Variants in YAE1 observed in about 807,000 individuals in gnomAD.
YAE1 encodes the protein YAE1 maturation factor of ABCE1.
Under a neutral mutation model 23.0 loss-of-function variants are expected in YAE1, and 22 were observed. The observed-to-expected ratio is 0.96, with a 90% CI of 0.68 to 1.37. The LOEUF (loss-of-function observed/expected upper bound fraction) is 1.37, where lower values mean the gene tolerates loss of function less well. YAE1 is among the 40% of genes most tolerant of loss of function. The pLI is 0.00. For missense variants in YAE1, 260 were observed against 262.1 expected (o/e 0.99, Z 0.06); for synonymous variants, 101 against 97.0 (o/e 1.04, Z -0.24).
At chr7:39,590,343 T>C (rs1790884340) in intron 2 of YAE1, among the ~76,000 whole-genome samples, 1 of 152,204 alleles carries the variant, frequency 6.6e-6, no homozygotes, top group Non-Finnish European at 1.5e-5. Context: ...ATTGAGTACT[T>C]AAGATATGTC....
chr7:39,577,282 G>A (rs114285665), downstream of YAE1, among the ~76,000 whole-genome samples: 294 of 152,386 alleles, frequency 1.9e-3, no homozygotes, highest in African/African-American at 4.6e-3. Flanking sequence ...GAGAGGTGAC[G>A]AAGTGCTGGC....
intron 2 of YAE1, among the ~76,000 whole-genome samples, chr7:39,580,111 C>T (rs1217911610): frequency 7.2e-5 from 11 of 152,226 alleles, no homozygotes; most frequent in South Asian, 4.1e-4. Flanking sequence ...GATTTGTTTG[C>T]TATACATGTA....
chr7:39,609,613 A>G (rs1250631699), intron 2 of YAE1: 1 of 1,533,334 alleles, frequency 6.5e-7, no homozygotes, highest in South Asian at 1.2e-5. Context: ...GTCTATCAAA[A>G]CAGGAACTCA....
chr7:39,591,527 T>G (rs954539840), intron 2 of YAE1, among the ~76,000 whole-genome samples: 1 of 152,200 alleles, frequency 6.6e-6, no homozygotes, highest in Non-Finnish European at 1.5e-5. Flanking sequence ...GACTTTATTT[T>G]TTGGAGAAGT....
At chr7:39,573,648 C>T (rs942530073), downstream of YAE1, among the ~76,000 whole-genome samples, 1 of 152,138 alleles carries the variant, frequency 6.6e-6, no homozygotes, top group African/African-American at 2.4e-5. Context: ...ATTGCTCTTT[C>T]ACCCCTATTT....
chr7:39,582,981 T>C (rs1322741896), intron 2 of YAE1, among the ~76,000 whole-genome samples: 1 of 152,144 alleles, frequency 6.6e-6, no homozygotes, highest in Non-Finnish European at 1.5e-5. Context: ...TACGTAAAAA[T>C]CCCACTTCTA....
intron 2 of YAE1, among the ~76,000 whole-genome samples, chr7:39,604,249 A>C (rs1411156927): frequency 3.3e-5 from 5 of 152,226 alleles, no homozygotes. Flanking sequence ...AAAAATTTGG[A>C]AACCTTTTCA....
intron 2 of YAE1, among the ~76,000 whole-genome samples, chr7:39,606,362 G>A (rs951862056): frequency 1.3e-5 from 2 of 152,194 alleles, no homozygotes; most frequent in Non-Finnish European, 2.9e-5. Flanking sequence ...ATAGAAGAAT[G>A]CTAGTGTATT....
intron 2 of YAE1, among the ~76,000 whole-genome samples, chr7:39,605,205 G>A (rs1343539122): frequency 1.3e-5 from 2 of 152,172 alleles, no homozygotes; most frequent in Non-Finnish European, 2.9e-5. Flanking sequence ...AAGTGACTTT[G>A]TAACCATGGT....
In YAE1 at chr7:39,569,553, G is replaced by A. The variant is rs572352595; in HGVS notation, c.130-953G>A. On this transcript the variant is annotated intron_variant, in intron 1 of 2. Coordinates refer to ENST00000223273, the MANE Select transcript of YAE1 (RefSeq NM_020192.5). ...TTCTGATAATTTTTTTGAAGGGTAT[G>A]GCTGTGGTGTGTGCCTTTCTGAAGG... is the stretch of plus-strand genomic sequence containing the variant. 4.3e-4 allele frequency: 228 copies of A among 529,268 alleles called. 2 individuals are homozygous for A. Among genetic ancestry groups the A allele is most frequent in the South Asian group, 3.6e-3 (219 of 61,562 alleles). The allele number at this position is 529,268 out of a possible 1,614,324, so 32.8% of individuals were successfully genotyped here. A position where few individuals can be genotyped will look rare whatever the true frequency, so the allele number is the denominator to read the frequency against.
chr7:39,611,531 A>C (rs1466025886), downstream of YAE1, among the ~76,000 whole-genome samples: 1 of 152,258 alleles, frequency 6.6e-6, no homozygotes, highest in Admixed American at 6.5e-5. Context: ...TACTAAAAAC[A>C]AAATTTGAAT....
exon 3 of YAE1, chr7:39,609,986 G>A (rs1479528548): frequency 6.6e-7 from 1 of 1,517,400 alleles, no homozygotes; most frequent in African/African-American, 1.4e-5. Flanking sequence ...GACACATTTA[G>A]AAGTTGTTCT....
At chr7:39,566,816 G>T in intron 1 of YAE1, 2 of 352,442 alleles carry the variant, frequency 5.7e-6, no homozygotes, top group Non-Finnish European at 1.1e-5. Context: ...ACAGTTTGCA[G>T]TTTGTTGAGG....
chr7:39,611,214 G>T (rs1791210769), downstream of YAE1, among the ~76,000 whole-genome samples: 1 of 152,060 alleles, frequency 6.6e-6, no homozygotes, highest in Admixed American at 6.6e-5. Context: ...AAAGTCTGTT[G>T]TCTTAGATAT....
chr7:39,583,281 C>G (rs1790772412), intron 2 of YAE1, among the ~76,000 whole-genome samples: 2 of 152,142 alleles, frequency 1.3e-5, no homozygotes, highest in Non-Finnish European at 2.9e-5. Context: ...GCAGATAAAA[C>G]TCTGGGAGTG....
chr7:39,582,685 G>A (rs1790762976), intron 2 of YAE1, among the ~76,000 whole-genome samples: 1 of 152,204 alleles, frequency 6.6e-6, no homozygotes, highest in Admixed American at 6.5e-5. Flanking sequence ...AAAGGTAGCA[G>A]AAGCACTGAG....
intron 2 of YAE1, among the ~76,000 whole-genome samples, chr7:39,578,503 T>C (rs1351112974): frequency 6.6e-6 from 1 of 152,212 alleles, no homozygotes; most frequent in East Asian, 1.9e-4. Flanking sequence ...CTTTGTGAGC[T>C]GTAACACTCA....
chr7:39,584,049 G>A (rs1050267883), intron 2 of YAE1, among the ~76,000 whole-genome samples: 3 of 152,066 alleles, frequency 2.0e-5, no homozygotes, highest in Non-Finnish European at 2.9e-5. Context: ...TTACACAACC[G>A]CTATCATGAA....
At chr7:39,566,818 T>A in intron 1 of YAE1, 1 of 348,476 alleles carries the variant, frequency 2.9e-6, no homozygotes, top group Non-Finnish European at 5.5e-6. Context: ...AGTTTGCAGT[T>A]TGTTGAGGAT....
Sources: allele counts gnomAD v4.1 joint callset (sites outside exome capture counted in the v4.1 genomes callset), GRCh38; gene constraint gnomAD v4.1.1; transcripts MANE v1.5; gene names NCBI Gene and HGNC (gene_info 2026-07-23, HGNC 2026-07-21).